KCNN1: variants seen among roughly 807,000 people sequenced by gnomAD.
KCNN1 encodes the protein small conductance calcium-activated potassium channel protein 1.
Under a neutral mutation model 44.7 loss-of-function variants are expected in KCNN1, and 20 were observed. The ratio of observed to expected loss-of-function variants is 0.45; its 90% CI spans 0.32 to 0.65. KCNN1 has a LOEUF of 0.65. KCNN1 is among the 30% of genes least tolerant of loss of function. The pLI is 0.05. For synonymous variants in KCNN1, 324 were observed against 341.7 expected (o/e 0.95, Z 0.57); for missense variants, 632 against 785.3 (o/e 0.80, Z 2.33).
upstream of KCNN1, among the ~76,000 whole-genome samples, chr19:17,962,951 T>G (rs1219460926): frequency 7.3e-5 from 11 of 151,060 alleles, no homozygotes; most frequent in Non-Finnish European, 2.9e-5. Context: ...TCCGCCTGTC[T>G]TGGCCTCCCA....
intron 3 of KCNN1, 116 bp from the exon 4 acceptor site, chr19:17,981,593 C>T (rs2145945232): frequency 5.0e-6 from 4 of 794,004 alleles, no homozygotes; most frequent in Non-Finnish European, 5.7e-6. Flanking sequence ...AAGAAAAATC[C>T]GAGCCTGTGG....
intron 7 of KCNN1, among the ~76,000 whole-genome samples, chr19:17,991,066 G>A (rs1474583205): frequency 6.6e-6 from 1 of 151,126 alleles, no homozygotes; most frequent in African/African-American, 2.5e-5. Context: ...TATAATCCCT[G>A]CACTTTGGGA....
chr19:17,988,350 G>A, intron 5 of KCNN1, 65 bp from the exon 6 acceptor site: 1 of 1,359,006 alleles, frequency 7.4e-7, no homozygotes, highest in Non-Finnish European at 1.0e-6. Context: ...ATCTGGGCAG[G>A]CTTCCTGGAG....
chr19:17,972,015 A>T (rs2145923264), intron 1 of KCNN1: 2 of 152,044 alleles, frequency 1.3e-5, no homozygotes, highest in Non-Finnish European at 2.9e-5. Flanking sequence ...ACTAGAAATA[A>T]AAATAAATCA....
chr19:17,993,586 A>C lies in KCNN1; in HGVS notation c.1377+27A>C, dbSNP rs1299241800. 6.2e-7 allele frequency: 1 copy of C among 1,606,540 alleles called. No individual in the cohort carries two copies. On this transcript the variant is annotated intron_variant, in intron 9 of 9. Coordinates refer to ENST00000684775, the MANE Select transcript of KCNN1 (RefSeq NM_001386974.1). The surrounding 1 kb of genome is among the most constrained non-coding windows in gnomAD (Gnocchi z 4.5). ...TGAGTGGGTTGGGGCAGGGTGGGCCAGACAGGGCAGGTGGGGCCCCGGAGC... is the reference window on the plus strand; with the variant it reads ...TGAGTGGGTTGGGGCAGGGTGGGCCCGACAGGGCAGGTGGGGCCCCGGAGC...
At chr19:17,978,115 T>C (rs1425573041) in intron 3 of KCNN1, among the ~76,000 whole-genome samples, 1 of 151,628 alleles carries the variant, frequency 6.6e-6, no homozygotes, top group Non-Finnish European at 1.5e-5. Context: ...GAATTTCATA[T>C]ATGTATACTT....
In KCNN1 at chr19:17,967,292, C is replaced by T. The variant is rs2031847577; in HGVS notation, c.-107C>T. On this transcript the variant is annotated 5_prime_UTR_variant, in exon 1 of 10. Transcript: ENST00000684775. ...GGGACCCTCTCCCCTCCAGCCTTGT[C>T]CGCCCGCTCGGGCCGAGCCCCGCAG... 1 of 985,370 alleles carries T rather than the reference C, an allele frequency of 1.0e-6. No homozygotes were observed. The highest frequency in any genetic ancestry group is 4.6e-5 in the South Asian group (1 of 21,640). 61.0% of individuals were successfully genotyped at this position (985,370 alleles called of 1,614,324 possible).
intron 4 of KCNN1, among the ~76,000 whole-genome samples, chr19:17,982,820 C>G (rs2032464157): frequency 6.6e-6 from 1 of 152,038 alleles, no homozygotes; most frequent in Non-Finnish European, 1.5e-5. Flanking sequence ...GGGCTTGGCT[C>G]TCATGTTGTG....
intron 3 of KCNN1, among the ~76,000 whole-genome samples, chr19:17,979,560 C>G (rs905558102): frequency 2.6e-5 from 4 of 151,620 alleles, no homozygotes; most frequent in Non-Finnish European, 5.9e-5. Context: ...GGCTGCATTC[C>G]TGATGATACC....
In KCNN1 at chr19:17,993,519, A is replaced by C; in HGVS notation, c.1337A>C (p.Lys446Thr). Residue 446 changes from lysine (K) to threonine (T), a missense_variant, in exon 9 of 10, where the codon AAG (lysine) becomes ACG (threonine). Coordinates refer to ENST00000684775, the MANE Select transcript of KCNN1 (RefSeq NM_001386974.1). This position sits in a 1 kb window ranked among gnomAD's most constrained non-coding sequence, Gnocchi z 4.5. ...KLRSVKIEQGKLNDQANTLTD... is the reference protein window; with the variant it reads ...KLRSVKIEQGTLNDQANTLTD... ...CGGAGTGTGAAGATCGAGCAAGGGA[A>C]GCTGAACGACCAGGCTAACACGCTT... The C allele has an allele frequency of 6.2e-7, 1 of 1,613,550 alleles. No individual in the cohort carries two copies. Among genetic ancestry groups the C allele is most frequent in the Non-Finnish European group, 8.5e-7 (1 of 1,179,714 alleles).
At chr19:17,970,289 ATTTTT>A (rs71164333) in intron 1 of KCNN1, among the ~76,000 whole-genome samples, 16 of 56,904 alleles carry the variant, frequency 2.8e-4, no homozygotes, top group Non-Finnish European at 4.1e-4. Flanking sequence ...AGAAGGAATG[ATTTTT>A]TTTTTTTTTT....
At chr19:17,962,284 A>G (rs549489371), upstream of KCNN1, among the ~76,000 whole-genome samples, 1 of 152,242 alleles carries the variant, frequency 6.6e-6, no homozygotes, top group Admixed American at 6.5e-5. Flanking sequence ...CCTGCCTGTC[A>G]CGCCCAGGCT....
In KCNN1 at chr19:17,998,056, G is replaced by C. The variant is rs556449872; in HGVS notation, c.1378-96G>C. 5.3e-5 allele frequency: 72 copies of C among 1,354,536 alleles called. No individual in the cohort carries two copies. Among genetic ancestry groups the C allele is most frequent in the Non-Finnish European group, 7.1e-5 (72 of 1,018,566 alleles). 83.9% of individuals were successfully genotyped at this position (1,354,536 alleles called of 1,614,324 possible). On this transcript the variant is annotated intron_variant, in intron 9 of 9. Coordinates refer to ENST00000684775, the MANE Select transcript of KCNN1 (RefSeq NM_001386974.1). The surrounding 1 kb of genome is among the most constrained non-coding windows in gnomAD (Gnocchi z 5.4). ...TTAGTGGCTGGCACCCACCTGGAGC[G>C]TGTGGGCTGTCCCTCTCTGTCATTG...
chr19:17,998,422 C>A lies in KCNN1; in HGVS notation c.*16C>A. On this transcript the variant is annotated 3_prime_UTR_variant, in exon 10 of 10. Coordinates refer to ENST00000684775, the MANE Select transcript of KCNN1 (RefSeq NM_001386974.1). This position sits in a 1 kb window ranked among gnomAD's most constrained non-coding sequence, Gnocchi z 5.4. ...CTGCGGGTGACGGCCCTGCCCGCCACCAGACCCCTAAATCTTGGCCATCGT... is the reference window on the plus strand; with the variant it reads ...CTGCGGGTGACGGCCCTGCCCGCCAACAGACCCCTAAATCTTGGCCATCGT... 6.8e-7 allele frequency: 1 copy of A among 1,464,436 alleles called. No individual in the cohort carries two copies. The allele number at this position is 1,464,436 out of a possible 1,614,324, so 90.7% of individuals were successfully genotyped here. A position where few individuals can be genotyped will look rare whatever the true frequency, so the allele number is the denominator to read the frequency against.
In KCNN1 at chr19:17,998,333, C is replaced by T. The variant is rs2033074298; in HGVS notation, c.1559C>T (p.Pro520Leu). 1 of 1,533,746 alleles carries T rather than the reference C, an allele frequency of 6.5e-7. No individual in the cohort carries two copies. The highest frequency in any genetic ancestry group is 8.7e-7 in the Non-Finnish European group (1 of 1,145,784). ...PPPPLPPRPG[P>L]GPQDQAARSS... ...CCTCCCCTGCCTCCCAGGCCCGGCC[C>T]CGGCCCCCAAGACCAGGCAGCCCGG... Residue 520 changes from proline to leucine, a missense_variant, in exon 10 of 10, where the codon CCC becomes CTC. By Grantham distance (98) the Pro-to-Leu change is moderately conservative. Around this residue, in one of 3 missense-constraint regions of KCNN1, gnomAD observed 237 missense variants for 253.0 expected, o/e 0.94. Transcript: ENST00000684775. This position sits in a 1 kb window ranked among gnomAD's most constrained non-coding sequence, Gnocchi z 5.4.
In KCNN1 at chr19:17,993,644, G is replaced by C; in HGVS notation, c.1377+85G>C. 8.8e-7 allele frequency: 1 copy of C among 1,134,682 alleles called. No individual in the cohort carries two copies. The highest frequency in any genetic ancestry group is 1.5e-5 in the African/African-American group (1 of 65,882). 70.3% of individuals were successfully genotyped at this position (1,134,682 alleles called of 1,614,324 possible). ...ATGGGGCTCAGCTCCTGCCGGAGGA[G>C]GGCACAAGGACCCGCTGTGGGCTGA... On this transcript the variant is annotated intron_variant, in intron 9 of 9. Transcript: ENST00000684775. The surrounding 1 kb of genome is among the most constrained non-coding windows in gnomAD (Gnocchi z 4.5).
intron 4 of KCNN1, among the ~76,000 whole-genome samples, chr19:17,982,757 C>T (rs1215520000): frequency 2.0e-5 from 3 of 152,278 alleles, no homozygotes; most frequent in Middle Eastern, 6.8e-3. Flanking sequence ...CTCCACTGGG[C>T]GTCCTCTCCG....
intron 7 of KCNN1, among the ~76,000 whole-genome samples, chr19:17,992,046 C>T (rs953822015): frequency 3.9e-5 from 6 of 152,196 alleles, no homozygotes; most frequent in South Asian, 2.1e-4. Context: ...AAAGGCTGGG[C>T]GCGGTGGCTC....
intron 5 of KCNN1, among the ~76,000 whole-genome samples, chr19:17,987,795 G>C (rs1383159650): frequency 7.1e-6 from 1 of 140,082 alleles, no homozygotes; most frequent in Non-Finnish European, 1.5e-5. Context: ...CCAGGTGTCC[G>C]AGACCAGCCT....
Sources: allele counts gnomAD v4.1 joint callset (sites outside exome capture counted in the v4.1 genomes callset), GRCh38; gene constraint gnomAD v4.1.1; regional missense constraint gnomAD v4.1.1; non-coding constraint Gnocchi (gnomAD v3.1); transcripts MANE v1.5; gene names NCBI Gene and HGNC (gene_info 2026-07-23, HGNC 2026-07-21).